Variants in ZNF654 observed in about 807,000 individuals in gnomAD.
ZNF654 encodes the protein melanoma-associated antigen.
In ZNF654, 19 loss-of-function variants were observed where a neutral mutation model predicts 95.3. The ratio of observed to expected loss-of-function variants is 0.20; its 90% CI spans 0.14 to 0.29. The LOEUF (loss-of-function observed/expected upper bound fraction) is 0.29, where lower values mean the gene tolerates loss of function less well. Among genes scored for constraint, ZNF654 ranks in the 10% least tolerant of loss-of-function variants. The probability of loss-of-function intolerance (pLI) is 1.00; values close to 1 mark genes in which losing one functional copy is unlikely to be tolerated. For missense variants in ZNF654, 1,046 were observed against 1,341.0 expected, an observed-to-expected ratio of 0.78 and a Z score of 3.44; for synonymous variants, 413 against 457.9, an observed-to-expected ratio of 0.90 and a Z score of 1.25.
At chr3:88,095,598 C>T (rs1456124405) in intron 2 of ZNF654, 2 of 520,434 alleles carry the variant, frequency 3.8e-6, no homozygotes, top group African/African-American at 3.9e-5. Context: ...ATCTGTTGCC[C>T]CAATGATCTT....
At chr3:88,107,274 A>AT (rs1183764667) in intron 2 of ZNF654, among the ~76,000 whole-genome samples, 1 of 152,162 alleles carries the variant, frequency 6.6e-6, no homozygotes, top group Non-Finnish European at 1.5e-5. Flanking sequence ...TTTTTGCTGT[A>AT]TTTTTAAAGC....
intron 1 of ZNF654, among the ~76,000 whole-genome samples, chr3:88,080,749 T>G (rs1396956400): frequency 2.6e-5 from 4 of 152,240 alleles, no homozygotes; most frequent in African/African-American, 9.6e-5. Context: ...AATCTGCTTA[T>G]GTTATCAAAT....
At position 88,144,380 on chromosome 3, in the gene ZNF654, GTT is replaced by G. The variant is rs1707259212; in HGVS notation, c.*2730_*2731del. The G allele has an allele frequency of 6.6e-6, 1 of 152,316 alleles. No individual in the cohort carries two copies. Among genetic ancestry groups the G allele is most frequent in the South Asian group, 2.1e-4 (1 of 4,830 alleles). 9.4% of individuals were successfully genotyped at this position (152,316 alleles called of 1,614,324 possible). A position where few individuals can be genotyped will look rare whatever the true frequency, so the allele number is the denominator to read the frequency against. On this transcript the variant is annotated 3_prime_UTR_variant, in exon 9 of 9. Transcript: ENST00000636215. Reference sequence around the variant, plus strand: ...TGAAAAACCTAAAAGGGATGATAGTGTTTATTTTTTAATTTATTTGGTACTGT... The same window carrying G: ...TGAAAAACCTAAAAGGGATGATAGTGTATTTTTTAATTTATTTGGTACTGT...
intron 3 of ZNF654, among the ~76,000 whole-genome samples, chr3:88,124,869 T>TA (rs1705994275): frequency 6.6e-6 from 1 of 152,136 alleles, no homozygotes. Context: ...TTTTACTAGA[T>TA]ATTCAGTTAA....
chr3:88,078,390 G>A (rs961842875), intron 1 of ZNF654, among the ~76,000 whole-genome samples: 1 of 152,162 alleles, frequency 6.6e-6, no homozygotes, highest in African/African-American at 2.4e-5. Flanking sequence ...AAACAGGTAG[G>A]GAAAGCTGGT....
intron 1 of ZNF654, among the ~76,000 whole-genome samples, chr3:88,082,643 T>G (rs1365725478): frequency 6.6e-6 from 1 of 152,150 alleles, no homozygotes; most frequent in African/African-American, 2.4e-5. Flanking sequence ...TCTAGTCTGT[T>G]AATAGGGGTT....
intron 1 of ZNF654, among the ~76,000 whole-genome samples, chr3:88,084,948 C>G (rs888944579): frequency 1.3e-5 from 2 of 152,142 alleles, no homozygotes; most frequent in Non-Finnish European, 2.9e-5. Flanking sequence ...TGACCTCTGC[C>G]CTAGAGGGAG....
At chr3:88,066,664 T>C (rs1174205834) in intron 1 of ZNF654, among the ~76,000 whole-genome samples, 3 of 152,110 alleles carry the variant, frequency 2.0e-5, no homozygotes, top group African/African-American at 4.8e-5. Flanking sequence ...TGCTTTTAAG[T>C]TTTTTAGTTA....
intron 1 of ZNF654, among the ~76,000 whole-genome samples, chr3:88,068,941 G>T (rs926577177): frequency 6.6e-6 from 1 of 152,024 alleles, no homozygotes; most frequent in Admixed American, 6.5e-5. Flanking sequence ...TAAGCATTTG[G>T]TATCTATTGT....
chr3:88,084,055 C>G (rs1472534308), intron 1 of ZNF654, among the ~76,000 whole-genome samples: 1 of 151,904 alleles, frequency 6.6e-6, no homozygotes, highest in Non-Finnish European at 1.5e-5. Context: ...AAAACGGTAT[C>G]TAAATTTCAG....
chr3:88,078,890 A>G (rs956872130), intron 1 of ZNF654, among the ~76,000 whole-genome samples: 7 of 152,110 alleles, frequency 4.6e-5, no homozygotes, highest in South Asian at 2.1e-4. Flanking sequence ...ACTTGGTTCT[A>G]TTATAAATTC....
intron 1 of ZNF654, among the ~76,000 whole-genome samples, chr3:88,064,705 T>TA (rs1159697465): frequency 6.6e-6 from 1 of 152,234 alleles, no homozygotes; most frequent in Non-Finnish European, 1.5e-5. Context: ...CATCTGTAGA[T>TA]ATCTCTCCTT....
At chr3:88,100,289 G>A (rs1182015092) in intron 2 of ZNF654, among the ~76,000 whole-genome samples, 1 of 152,260 alleles carries the variant, frequency 6.6e-6, no homozygotes, top group South Asian at 2.1e-4. Flanking sequence ...TCTCACACCA[G>A]TTAGAATGAC....
chr3:88,089,491 A>T (rs982014377), intron 2 of ZNF654, among the ~76,000 whole-genome samples: 14 of 9,042 alleles, frequency 1.5e-3, no homozygotes, highest in South Asian at 0.032. Context: ...AACTCTGTTT[A>T]AAAAAAAAAA....
chr3:88,104,980 A>C (rs1704645550), intron 2 of ZNF654, among the ~76,000 whole-genome samples: 1 of 152,218 alleles, frequency 6.6e-6, no homozygotes, highest in Non-Finnish European at 1.5e-5. Context: ...CTCTACTAAA[A>C]ATACCAAAAA....
At chr3:88,105,143 A>G (rs1415532230) in intron 2 of ZNF654, among the ~76,000 whole-genome samples, 2 of 152,238 alleles carry the variant, frequency 1.3e-5, no homozygotes, top group Admixed American at 1.3e-4. Context: ...CATCTCAGAA[A>G]ACAAACATAA....
intron 1 of ZNF654, among the ~76,000 whole-genome samples, chr3:88,066,579 C>A (rs28493872): frequency 0.75 from 112,660 of 150,942 alleles, 43,708 homozygotes; most frequent in South Asian, 0.9. Context: ...AACAAACAAA[C>A]AAAAAAAACA....
chr3:88,101,749 A>T (rs1704438696), intron 2 of ZNF654, among the ~76,000 whole-genome samples: 1 of 152,150 alleles, frequency 6.6e-6, no homozygotes, highest in Non-Finnish European at 1.5e-5. Flanking sequence ...AAAACTGCTA[A>T]CCAAAGTGAC....
intron 3 of ZNF654, among the ~76,000 whole-genome samples, chr3:88,116,705 C>G (rs1705428208): frequency 1.3e-5 from 2 of 151,842 alleles, no homozygotes; most frequent in South Asian, 4.2e-4. Flanking sequence ...AAACTAAATG[C>G]AGCCAGCCCC....
Sources: gnomAD v4.1 joint callset for allele counts (sites outside exome capture counted in the v4.1 genomes callset) on GRCh38, gnomAD v4.1.1 for gene constraint, MANE v1.5 for transcripts, NCBI Gene and HGNC (gene_info 2026-07-23, HGNC 2026-07-21) for gene names.